The following CAPS2 variants were observed in gnomAD, a reference collection of about 807,000 sequenced individuals.
CAPS2 encodes calcyphosine 2, also known as calcyphosin-2.
CAPS2 carries 98 observed loss-of-function variants against 86.5 expected under a neutral mutation model. The ratio of observed to expected loss-of-function variants is 1.13; its 90% CI spans 0.96 to 1.34. The LOEUF (loss-of-function observed/expected upper bound fraction) is 1.34. CAPS2 is among the 40% of genes most tolerant of loss of function. CAPS2 has a pLI of 0.00. For missense variants in CAPS2, 729 were observed against 686.8 expected (o/e 1.06, Z -0.69); for synonymous variants, 210 against 225.1 (o/e 0.93, Z 0.60).
chr12:75,324,687 T>G (rs1464985174), intron 2 of CAPS2, among the ~76,000 whole-genome samples: 2 of 152,132 alleles, frequency 1.3e-5, no homozygotes, highest in Non-Finnish European at 2.9e-5. Context: ...TTACTAAGTT[T>G]TTAATTTCTA....
chr12:75,322,498 G>T (rs11180460), intron 4 of CAPS2, among the ~76,000 whole-genome samples: 55,731 of 151,978 alleles, frequency 0.37, 10,734 homozygotes, highest in East Asian at 0.51. Flanking sequence ...AGAGTCAGCT[G>T]TATGAAAAGA....
intron 1 of CAPS2, chr12:75,359,852 A>T (rs1171206422): frequency 6.6e-6 from 1 of 152,162 alleles, no homozygotes; most frequent in African/African-American, 2.4e-5. Flanking sequence ...GTTCATTTTC[A>T]CACTGCTATA....
intron 1 of CAPS2, among the ~76,000 whole-genome samples, chr12:75,373,011 C>A (rs1227556998): frequency 2.0e-5 from 3 of 152,230 alleles, no homozygotes; most frequent in South Asian, 4.1e-4. Context: ...ACTGCCCTTT[C>A]CATGACGGAG....
At chr12:75,376,155 C>A (rs1041242608) in intron 1 of CAPS2, among the ~76,000 whole-genome samples, 7 of 152,136 alleles carry the variant, frequency 4.6e-5, no homozygotes, top group Non-Finnish European at 7.4e-5. Flanking sequence ...AGTGGGCCAT[C>A]GTTTGATCCA....
intron 1 of CAPS2, among the ~76,000 whole-genome samples, chr12:75,353,378 T>C (rs2042941885): frequency 6.6e-6 from 1 of 152,038 alleles, no homozygotes; most frequent in Admixed American, 6.6e-5. Flanking sequence ...TCTGTGCAAA[T>C]CACTTGGAAA....
chr12:75,315,308 T>G (rs1184701619), intron 6 of CAPS2, among the ~76,000 whole-genome samples: 2 of 152,198 alleles, frequency 1.3e-5, no homozygotes, highest in Non-Finnish European at 2.9e-5. Context: ...AAAATAAGCC[T>G]GAATTGAAAC....
chr12:75,282,987 C>A (rs1458815192), intron 15 of CAPS2, among the ~76,000 whole-genome samples: 1 of 152,088 alleles, frequency 6.6e-6, no homozygotes, highest in Non-Finnish European at 1.5e-5. Flanking sequence ...AGGTAACTTC[C>A]ATCTCTAGGA....
chr12:75,388,302 T>C (rs1285940279), intron 1 of CAPS2, among the ~76,000 whole-genome samples: 1 of 152,236 alleles, frequency 6.6e-6, no homozygotes, highest in Non-Finnish European at 1.5e-5. Context: ...ATCAAACCTC[T>C]TTCCTTTATA....
chr12:75,390,500 AT>A, intron 1 of CAPS2: 1 of 405,464 alleles, frequency 2.5e-6, no homozygotes, highest in Admixed American at 3.2e-5. Context: ...ACTGAAAAAA[AT>A]CTCATCAATT....
At chr12:75,310,962 A>G (rs1339233937) in intron 7 of CAPS2, among the ~76,000 whole-genome samples, 1 of 152,160 alleles carries the variant, frequency 6.6e-6, no homozygotes, top group Non-Finnish European at 1.5e-5. Flanking sequence ...TGGTCAAAAT[A>G]AAAAGTAAGG....
upstream of CAPS2, among the ~76,000 whole-genome samples, chr12:75,329,207 A>G (rs560720761): frequency 3.3e-5 from 5 of 152,316 alleles, no homozygotes; most frequent in African/African-American, 9.6e-5. Flanking sequence ...AAAATTAGAA[A>G]CCTAAACTTG....
chr12:75,367,643 T>C (rs1219744823), intron 1 of CAPS2, among the ~76,000 whole-genome samples: 2 of 152,160 alleles, frequency 1.3e-5, no homozygotes, highest in Admixed American at 6.5e-5. Flanking sequence ...TTAAATGCTT[T>C]TGTATATTAG....
At chr12:75,354,169 G>C (rs1029298169) in intron 1 of CAPS2, among the ~76,000 whole-genome samples, 11 of 144,626 alleles carry the variant, frequency 7.6e-5, no homozygotes, top group African/African-American at 7.7e-5. Context: ...AAAAAAAAGG[G>C]GGGGGGGTAT....
chr12:75,287,689 G>T (rs747507544), intron 14 of CAPS2, among the ~76,000 whole-genome samples: 1 of 152,112 alleles, frequency 6.6e-6, no homozygotes, highest in Non-Finnish European at 1.5e-5. Flanking sequence ...GATACTTTGC[G>T]TATTCATCTC....
chr12:75,333,431 C>T (rs533238362), upstream of CAPS2, among the ~76,000 whole-genome samples: 5 of 151,748 alleles, frequency 3.3e-5, no homozygotes, highest in African/African-American at 1.2e-4. Context: ...TATCTGTATA[C>T]CTACACACAC....
At chr12:75,281,462 C>T (rs1342264214) in intron 16 of CAPS2, among the ~76,000 whole-genome samples, 2 of 151,826 alleles carry the variant, frequency 1.3e-5, no homozygotes, top group Non-Finnish European at 2.9e-5. Context: ...TGTGGATTAA[C>T]ATATAAAGAA....
chr12:75,375,523 G>A (rs2044605478), intron 1 of CAPS2, among the ~76,000 whole-genome samples: 1 of 152,164 alleles, frequency 6.6e-6, no homozygotes. Flanking sequence ...CTTCTTCAAG[G>A]GGATCCAGCC....
At chr12:75,379,000 G>A (rs2044812329) in intron 1 of CAPS2, among the ~76,000 whole-genome samples, 1 of 152,046 alleles carries the variant, frequency 6.6e-6, no homozygotes, top group South Asian at 2.1e-4. Flanking sequence ...CATGTATGTA[G>A]AGTATATTTT....
rs530159142 is a variant in CAPS2, at chr12:75,358,298, C to T, written c.-395+32540G>A. ...AAAGAGAAAAGTATAGAGCAATATC[C>T]CTCACAAACATAGGTACAAAAAAAT... On this transcript the variant is annotated intron_variant, in intron 1 of 5. Coordinates refer to the CAPS2 transcript ENST00000551829. Among the ~76,000 whole-genome samples, 13 of 151,360 alleles carry T rather than the reference C, an allele frequency of 8.6e-5. No individual in the cohort carries two copies. The South Asian group carries it at 2.5e-3, about 29-fold the overall frequency.
Sources: allele counts gnomAD v4.1 joint callset (sites outside exome capture counted in the v4.1 genomes callset), GRCh38; gene constraint gnomAD v4.1.1; transcripts MANE v1.5; gene names NCBI Gene and HGNC (gene_info 2026-07-23, HGNC 2026-07-21).